RIF1: variants seen among roughly 807,000 people sequenced by gnomAD.
RIF1 encodes telomere-associated protein RIF1.
In RIF1, 45 loss-of-function variants were observed where a neutral mutation model predicts 247.1. The ratio of observed to expected loss-of-function variants is 0.18; its 90% CI spans 0.14 to 0.23. RIF1 has a LOEUF of 0.23. RIF1 is among the 10% of genes least tolerant of loss of function. The probability of loss-of-function intolerance (pLI) is 1.00; values close to 1 mark genes in which losing one functional copy is unlikely to be tolerated. For synonymous variants in RIF1, 1,087 were observed against 978.8 expected, an observed-to-expected ratio of 1.11 and a Z score of -2.06; for missense variants, 2,967 against 2,862.5, an observed-to-expected ratio of 1.04 and a Z score of -0.83.
intron 11 of RIF1, among the ~76,000 whole-genome samples, chr2:151,500,891 G>A (rs1414193365): frequency 1.3e-5 from 2 of 152,074 alleles, no homozygotes; most frequent in African/African-American, 2.4e-5. Context: ...GAGCCACCAC[G>A]CCTGGCCCCA....
rs1236170900 is a variant in RIF1, at chr2:151,463,444, T to A, written c.3924T>A (p.Ser1308=). ...AAAGGTCTAAGCCCTTAATGAGATCTGAGCCGGAGAAAAATACTGAGGAAT... is the reference window on the plus strand; with the variant it reads ...AAAGGTCTAAGCCCTTAATGAGATCAGAGCCGGAGAAAAATACTGAGGAAT... The part of the protein sequence containing the change: ...GNKRSKPLMR[S]EPEKNTEESV... Residue 1308 remains serine, a synonymous_variant, in exon 30 of 36, where the codon TCT becomes TCA. Transcript: ENST00000444746. 6.2e-7 allele frequency: 1 copy of A among 1,614,046 alleles called. No individual in the cohort carries two copies. Among genetic ancestry groups the A allele is most frequent in the Non-Finnish European group, 8.5e-7 (1 of 1,179,954 alleles).
the RIF1 span, chr2:151,513,482 G>A: frequency 8.2e-6 from 7 of 855,044 alleles, no homozygotes; most frequent in African/African-American, 1.2e-4. Flanking sequence ...TTGTATGCAT[G>A]TGACTGTCAC....
At chr2:151,474,627 G>A (rs1190030769) in intron 35 of RIF1, among the ~76,000 whole-genome samples, 1 of 152,186 alleles carries the variant, frequency 6.6e-6, no homozygotes, top group Non-Finnish European at 1.5e-5. Flanking sequence ...AGTGAGCTGA[G>A]ATTACGCCAC....
At chr2:151,435,717 A>G in intron 11 of RIF1, 137 bp downstream of exon 11, 1 of 567,172 alleles carries the variant, frequency 1.8e-6, no homozygotes, top group Non-Finnish European at 3.1e-6. Flanking sequence ...GCACTTCATA[A>G]TTTTTAGGTT....
chr2:151,518,469 A>C, the RIF1 span: 1 of 1,175,990 alleles, frequency 8.5e-7, no homozygotes, highest in South Asian at 1.3e-5. Flanking sequence ...GAAGCTGCTC[A>C]GCATTCCTAT....
At chr2:151,508,007 G>A in exon 14 of RIF1, 1 of 1,602,612 alleles carries the variant, frequency 6.2e-7, no homozygotes. Flanking sequence ...AAACTTACAA[G>A]GCTGAAGTTC....
chr2:151,428,228 C>CA (rs1260616098), intron 8 of RIF1, among the ~76,000 whole-genome samples: 4 of 151,386 alleles, frequency 2.6e-5, no homozygotes, highest in Non-Finnish European at 4.4e-5. Flanking sequence ...GATTCCCTCT[C>CA]AAAAAAAAGA....
chr2:151,449,133 T>C (rs979974354), intron 20 of RIF1, among the ~76,000 whole-genome samples: 2 of 152,252 alleles, frequency 1.3e-5, no homozygotes, highest in African/African-American at 4.8e-5. Flanking sequence ...TAAATGGGTC[T>C]GTTCTTCCCT....
chr2:151,497,440 CTG>C (rs2060979893), intron 10 of RIF1: 2 of 980,564 alleles, frequency 2.0e-6, no homozygotes, highest in Non-Finnish European at 2.4e-6. Flanking sequence ...TTGAAATTAA[CTG>C]TATTATAGAA....
chr2:151,426,656 A>AG (rs1689148581), intron 8 of RIF1, among the ~76,000 whole-genome samples: 2 of 149,878 alleles, frequency 1.3e-5, no homozygotes, highest in African/African-American at 5.0e-5. Context: ...CCATTTATTT[A>AG]GGGTTTTTTT....
chr2:151,534,424 G>C, the RIF1 span: 33 of 920,656 alleles, frequency 3.6e-5, no homozygotes, highest in Non-Finnish European at 2.4e-5. Flanking sequence ...CATCTCTAGT[G>C]GCGGGCTCCC....
At chr2:151,488,081 C>T (rs76810008) in intron 9 of RIF1, among the ~76,000 whole-genome samples, 4,511 of 151,930 alleles carry the variant, frequency 0.03, 119 homozygotes, top group East Asian at 0.14. Context: ...TTCTGTTGGC[C>T]ATTTATATTT....
chr2:151,433,089 G>A lies in RIF1; in HGVS notation c.938G>A (p.Ser313Asn), dbSNP rs1335820533. ...ATTTTCTTTTAAGATATACTATGTA[G>A]TGCAAAAAGACTCAAGTTGTTAATG... ...NFALNPDILC[S>N]AKRLKLLMQP... The change falls in exon 10 of 36, where the codon AGT becomes AAT. Residue 313 changes from serine to asparagine, a missense_variant. Transcript: ENST00000444746. 1.9e-6 allele frequency: 3 copies of A among 1,612,686 alleles called. No individual in the cohort carries two copies. Among genetic ancestry groups the A allele is most frequent in the African/African-American group, 2.7e-5 (2 of 74,896 alleles).
rs1323123641 is a variant in RIF1, at chr2:151,420,126, T to A, written c.504-64T>A. On this transcript the variant is annotated intron_variant, in intron 6 of 35. Transcript: ENST00000444746. ...TGTGTATATTTCTGTTTCACCTATT[T>A]TACTGCTTGTTTAGACTTAAAACAT... 3.5e-6 allele frequency: 5 copies of A among 1,425,598 alleles called. No homozygotes were observed. The East Asian group carries it at 1.2e-4, about 34-fold the overall frequency. The allele number at this position is 1,425,598 out of a possible 1,614,324, so 88.3% of individuals were successfully genotyped here.
At chr2:151,527,237 G>C in the RIF1 span, among the ~76,000 whole-genome samples, 6 of 151,186 alleles carry the variant, frequency 4.0e-5, no homozygotes, top group Admixed American at 3.9e-4. Flanking sequence ...TCTTCCCCCA[G>C]ACTCTCCCCA....
intron 33 of RIF1, 37 bp downstream of exon 33, chr2:151,468,793 G>T: frequency 7.1e-7 from 1 of 1,400,030 alleles, no homozygotes; most frequent in Non-Finnish European, 1.0e-6. Context: ...TATATTCCAA[G>T]ATGCCACTTA....
At chr2:151,482,188 TTG>T (rs1375503591), downstream of RIF1, 1 of 152,250 alleles carries the variant, frequency 6.6e-6, no homozygotes, top group Admixed American at 6.5e-5. Flanking sequence ...GTACTTGTTT[TTG>T]TTGGCTACAT....
chr2:151,433,697 C>G (rs537299044), intron 10 of RIF1, among the ~76,000 whole-genome samples: 47 of 152,064 alleles, frequency 3.1e-4, no homozygotes, highest in African/African-American at 1.1e-3. Context: ...TCAAATGATT[C>G]GCCCATGCCA....
At chr2:151,427,397 G>A (rs2152271574) in intron 8 of RIF1, among the ~76,000 whole-genome samples, 1 of 151,844 alleles carries the variant, frequency 6.6e-6, no homozygotes, top group Non-Finnish European at 1.5e-5. Flanking sequence ...TTTTAGTAGA[G>A]AAGGGGTTTC....
Sources: allele counts gnomAD v4.1 joint callset (sites outside exome capture counted in the v4.1 genomes callset), GRCh38; gene constraint gnomAD v4.1.1; transcripts MANE v1.5; gene names NCBI Gene and HGNC (gene_info 2026-07-23, HGNC 2026-07-21).